The following AOAH variants were observed in gnomAD, a reference collection of about 807,000 sequenced individuals.
The protein encoded by AOAH is acyloxyacyl hydrolase, also known as acyloxyacyl hydrolase (neutrophil).
AOAH carries 64 observed loss-of-function variants against 92.2 expected under a neutral mutation model. The ratio of observed to expected loss-of-function variants is 0.69; its 90% CI spans 0.57 to 0.86. The LOEUF (loss-of-function observed/expected upper bound fraction) is 0.86. Ranked by LOEUF, AOAH falls within the 40% of genes least tolerant of loss-of-function variation. The pLI is 0.00. For missense variants in AOAH, 656 were observed against 694.6 expected, an observed-to-expected ratio of 0.94 and a Z score of 0.62; for synonymous variants, 263 against 254.5, an observed-to-expected ratio of 1.03 and a Z score of -0.32.
chr7:36,674,335 T>C (rs1305667978), intron 2 of AOAH, among the ~76,000 whole-genome samples: 1 of 152,220 alleles, frequency 6.6e-6, no homozygotes, highest in Non-Finnish European at 1.5e-5. Flanking sequence ...ATGACCTCAT[T>C]TGTTGAAGTT....
chr7:36,646,049 C>T lies in AOAH; in HGVS notation c.391-8139G>A, dbSNP rs542428761. ...AGCATTATTCCCACCAACTCCTTTT[C>T]CTGACATTATTATTCATTGATTTTA... On this transcript the variant is annotated intron_variant, in intron 4 of 20. Coordinates refer to ENST00000617537, the MANE Select transcript of AOAH (RefSeq NM_001637.4). Among the ~76,000 whole-genome samples, 13 of 152,282 alleles carry T rather than the reference C, an allele frequency of 8.5e-5. 1 individual carries two copies. The South Asian group carries it at 2.7e-3, about 32-fold the overall frequency.
In AOAH at chr7:36,600,397, GT is replaced by G. The variant is rs202115571; in HGVS notation, c.847-5968del. 8.0e-3 allele frequency among the ~76,000 whole-genome samples: 1,213 copies of G among 152,314 alleles called. 56 individuals are homozygous for G. The highest frequency in any genetic ancestry group is 0.069 in the Admixed American group (1,052 of 15,298). ...CCTCTTATGATGAGCACCTTCCCTTGTTGATTCAGGCCCCTGGAGGACTTCT... is the reference window on the plus strand; with the variant it reads ...CCTCTTATGATGAGCACCTTCCCTTGTGATTCAGGCCCCTGGAGGACTTCT... On this transcript the variant is annotated intron_variant, in intron 11 of 20. Transcript: ENST00000617537.
intron 1 of AOAH, among the ~76,000 whole-genome samples, chr7:36,720,338 A>ATT (rs201307393): frequency 3.4e-5 from 5 of 145,656 alleles, no homozygotes; most frequent in African/African-American, 7.6e-5. Context: ...CTATATTTAC[A>ATT]TTTTTTTTTT....
chr7:36,564,625 A>C (rs1258221282), intron 13 of AOAH, among the ~76,000 whole-genome samples: 2 of 152,270 alleles, frequency 1.3e-5, no homozygotes, highest in Non-Finnish European at 2.9e-5. Context: ...AGCCCTAAAC[A>C]AAAGACATCT....
intron 19 of AOAH, among the ~76,000 whole-genome samples, chr7:36,525,619 C>T (rs1206736458): frequency 2.0e-5 from 3 of 152,114 alleles, no homozygotes; most frequent in Admixed American, 2.0e-4. Context: ...AGCCAAAATC[C>T]AAAATGCTCT....
Position 36,724,304 on chromosome 7 carries a change from AT to A in AOAH, c.-157del. On this transcript the variant is annotated 5_prime_UTR_variant, in exon 1 of 21. It removes the in-frame stop codon of an upstream open reading frame in the 5' UTR. Coordinates refer to ENST00000617537, the MANE Select transcript of AOAH (RefSeq NM_001637.4). ...CACCCTCTCACATACACACTTTTCA[AT>A]AAGTGTGAAGTGAATAAAAGCACAC... 7.8e-6 allele frequency: 6 copies of A among 772,026 alleles called. No individual in the cohort carries two copies. The highest frequency in any genetic ancestry group is 1.7e-5 in the African/African-American group (1 of 57,242). The allele number at this position is 772,026 out of a possible 1,614,324, so 47.8% of individuals were successfully genotyped here.
chr7:36,591,393 T>A lies in AOAH; in HGVS notation c.938+2946A>T, dbSNP rs115464870. Among the ~76,000 whole-genome samples the A allele has an allele frequency of 7.1e-3, 1,078 of 152,290 alleles. 10 individuals are homozygous for A. The highest frequency in any genetic ancestry group is 0.025 in the African/African-American group (1,023 of 41,548). Reference sequence around the variant, plus strand: ...GTAAGCAGTAATAGAGAACCGAATATAAAAAGGTACTAGGTCAATAAAGAC... The same window carrying A: ...GTAAGCAGTAATAGAGAACCGAATAAAAAAAGGTACTAGGTCAATAAAGAC... On this transcript the variant is annotated intron_variant, in intron 12 of 20. Transcript: ENST00000617537.
intron 1 of AOAH, among the ~76,000 whole-genome samples, chr7:36,692,150 C>A (rs1797440083): frequency 6.6e-6 from 1 of 152,142 alleles, no homozygotes; most frequent in African/African-American, 2.4e-5. Context: ...GTACATCTGG[C>A]AAAAGTGTCA....
intron 12 of AOAH, among the ~76,000 whole-genome samples, chr7:36,589,545 C>A (rs1365456584): frequency 6.6e-6 from 1 of 152,140 alleles, no homozygotes; most frequent in Non-Finnish European, 1.5e-5. Context: ...ACTTCTAAAC[C>A]AAGTAGCGTC....
chr7:36,698,617 T>G (rs1359001979), intron 1 of AOAH, among the ~76,000 whole-genome samples: 1 of 152,168 alleles, frequency 6.6e-6, no homozygotes, highest in South Asian at 2.1e-4. Flanking sequence ...TAATATATTA[T>G]GTTTTCATTT....
intron 16 of AOAH, among the ~76,000 whole-genome samples, chr7:36,535,138 G>C (rs932797062): frequency 2.0e-5 from 3 of 151,448 alleles, no homozygotes; most frequent in African/African-American, 7.3e-5. Context: ...GTCTGCTTGT[G>C]TGTACCTGTG....
chr7:36,657,512 T>C (rs896305164), intron 4 of AOAH, among the ~76,000 whole-genome samples: 2 of 152,202 alleles, frequency 1.3e-5, no homozygotes, highest in Non-Finnish European at 2.9e-5. Context: ...AGGGTGAAGC[T>C]GTCCATGTGT....
chr7:36,513,685 G>T (rs147522690), intron 20 of AOAH, among the ~76,000 whole-genome samples: 1 of 152,184 alleles, frequency 6.6e-6, no homozygotes, highest in Admixed American at 6.5e-5. Flanking sequence ...AGGGTGACCC[G>T]GTTGCCATCC....
chr7:36,547,392 A>AT (rs1219566188), intron 15 of AOAH, among the ~76,000 whole-genome samples: 3 of 152,166 alleles, frequency 2.0e-5, no homozygotes, highest in African/African-American at 7.2e-5. Context: ...TGCCATCTGA[A>AT]TTTTATCTGT....
At chr7:36,633,185 C>T (rs553558849) in intron 5 of AOAH, among the ~76,000 whole-genome samples, 2 of 152,336 alleles carry the variant, frequency 1.3e-5, no homozygotes, top group East Asian at 1.9e-4. Context: ...TGACTCAGTG[C>T]GGGCCACAGC....
At chr7:36,538,939 A>G (rs1203895398) in intron 16 of AOAH, among the ~76,000 whole-genome samples, 1 of 152,222 alleles carries the variant, frequency 6.6e-6, no homozygotes, top group Non-Finnish European at 1.5e-5. Flanking sequence ...GGTGTCCACC[A>G]TTGTCCCTCC....
chr7:36,611,060 G>A (rs10499593), intron 11 of AOAH, among the ~76,000 whole-genome samples: 8,812 of 152,236 alleles, frequency 0.058, 369 homozygotes, highest in South Asian at 0.16. Context: ...TGGTGATAAA[G>A]CTTCATTTTC....
chr7:36,711,193 A>T (rs1362970562), intron 1 of AOAH, among the ~76,000 whole-genome samples: 1 of 152,172 alleles, frequency 6.6e-6, no homozygotes, highest in Non-Finnish European at 1.5e-5. Flanking sequence ...CACTATGACT[A>T]TTTTGGCATT....
At chr7:36,664,623 T>C (rs1168357431) in intron 3 of AOAH, among the ~76,000 whole-genome samples, 2 of 152,208 alleles carry the variant, frequency 1.3e-5, no homozygotes, top group East Asian at 3.8e-4. Flanking sequence ...ATATAAACTT[T>C]AGAATCAATG....
Sources: allele counts gnomAD v4.1 joint callset (sites outside exome capture counted in the v4.1 genomes callset), GRCh38; gene constraint gnomAD v4.1.1; transcripts MANE v1.5; gene names NCBI Gene and HGNC (gene_info 2026-07-23, HGNC 2026-07-21).